The following GRM5 variants were observed in gnomAD, a reference collection of about 807,000 sequenced individuals.
GRM5 encodes glutamate metabotropic receptor 5, also known as metabotropic glutamate receptor 5.
Under a neutral mutation model 83.1 loss-of-function variants are expected in GRM5, and 19 were observed. The observed-to-expected ratio is 0.23, with a 90% confidence interval of 0.16 to 0.34. The LOEUF is 0.34. Ranked by LOEUF, GRM5 falls within the 10% of genes least tolerant of loss-of-function variation. The pLI, the probability that GRM5 is intolerant of heterozygous loss-of-function variation, is 1.00. For missense variants in GRM5, 1,160 were observed against 1,588.3 expected, an observed-to-expected ratio of 0.73 and a Z score of 4.58; for synonymous variants, 675 against 633.6, an observed-to-expected ratio of 1.07 and a Z score of -0.98.
intron 3 of GRM5, among the ~76,000 whole-genome samples, chr11:88,694,844 T>C (rs1366727659): frequency 6.6e-6 from 1 of 152,170 alleles, no homozygotes. Context: ...ATTATTTCTC[T>C]TGTATATGTA....
At chr11:88,970,603 A>T (rs1316692823) in intron 2 of GRM5, among the ~76,000 whole-genome samples, 2 of 152,220 alleles carry the variant, frequency 1.3e-5, no homozygotes, top group African/African-American at 4.8e-5. Flanking sequence ...CTACTACATT[A>T]GTCAAGCTTT....
intron 7 of GRM5, among the ~76,000 whole-genome samples, chr11:88,583,653 T>TAA (rs1306966357): frequency 1.3e-5 from 2 of 152,190 alleles, no homozygotes; most frequent in Non-Finnish European, 2.9e-5. Context: ...ACTGGGGACC[T>TAA]AAAGATCTTT....
At chr11:88,778,940 C>T (rs1371479069) in intron 3 of GRM5, among the ~76,000 whole-genome samples, 2 of 152,146 alleles carry the variant, frequency 1.3e-5, no homozygotes, top group African/African-American at 4.8e-5. Context: ...GCCTACTGCC[C>T]TTCTGGGTTA....
intron 5 of GRM5, among the ~76,000 whole-genome samples, chr11:88,600,562 TAAAC>T (rs1440089612): frequency 6.6e-6 from 1 of 151,964 alleles, no homozygotes; most frequent in Non-Finnish European, 1.5e-5. Flanking sequence ...AAAATCAAAA[TAAAC>T]AAAATATGTT....
intron 2 of GRM5, among the ~76,000 whole-genome samples, chr11:89,002,820 C>A (rs952880467): frequency 6.6e-6 from 1 of 152,034 alleles, no homozygotes; most frequent in Non-Finnish European, 1.5e-5. Context: ...GCTTCCCCCC[C>A]AGAGAGCCAC....
intron 2 of GRM5, among the ~76,000 whole-genome samples, chr11:88,982,600 C>T (rs114053727): frequency 0.023 from 3,499 of 152,156 alleles, 137 homozygotes; most frequent in African/African-American, 0.08. Context: ...TATATACATG[C>T]ACCTGTACAC....
chr11:88,681,271 A>C (rs1940478995), intron 3 of GRM5, among the ~76,000 whole-genome samples: 1 of 152,058 alleles, frequency 6.6e-6, no homozygotes, highest in Non-Finnish European at 1.5e-5. Flanking sequence ...ACTTGTATTA[A>C]TGGAGCACAT....
intron 4 of GRM5, among the ~76,000 whole-genome samples, chr11:88,610,602 T>G (rs948586437): frequency 8.5e-5 from 13 of 152,184 alleles, no homozygotes; most frequent in Admixed American, 5.9e-4. Context: ...TGTTTATCAG[T>G]TCTAGAAGCC....
chr11:89,009,416 G>A (rs1204055529), intron 2 of GRM5, among the ~76,000 whole-genome samples: 1 of 152,038 alleles, frequency 6.6e-6, no homozygotes, highest in Non-Finnish European at 1.5e-5. Context: ...GCAGACCATT[G>A]AGAAAATTAA....
At chr11:88,525,725 T>G (rs1250948097) in intron 8 of GRM5, among the ~76,000 whole-genome samples, 1 of 152,202 alleles carries the variant, frequency 6.6e-6, no homozygotes, top group African/African-American at 2.4e-5. Context: ...AAGATGAATA[T>G]CAATCAACAC....
intron 3 of GRM5, among the ~76,000 whole-genome samples, chr11:88,713,172 AC>A (rs1941318432): frequency 6.6e-6 from 1 of 152,028 alleles, no homozygotes; most frequent in Admixed American, 6.6e-5. Flanking sequence ...GTTTAAAAAA[AC>A]AAATATTTAT....
Position 88,649,115 on chromosome 11 carries a change from T to A in GRM5, c.1147+4053A>T, listed in dbSNP as rs921594501. On this transcript the variant is annotated intron_variant, in intron 4 of 9. Transcript: ENST00000305447. Reference sequence around the variant, plus strand: ...AAATATATAATATATATTAAATATATATGTAATATTTTTATATGTGTAATA... The same window carrying A: ...AAATATATAATATATATTAAATATAAATGTAATATTTTTATATGTGTAATA... 4.2e-5 allele frequency among the ~76,000 whole-genome samples: 6 copies of A among 143,746 alleles called. 1 individual carries two copies. The highest frequency in any genetic ancestry group is 1.5e-4 in the African/African-American group (6 of 39,462). 94.3% of individuals were successfully genotyped at this position (143,746 alleles called of 152,430 possible). A position where few individuals can be genotyped will look rare whatever the true frequency, so the allele number is the denominator to read the frequency against.
intron 8 of GRM5, among the ~76,000 whole-genome samples, chr11:88,532,004 T>C (rs776529083): frequency 1.3e-4 from 20 of 152,074 alleles, no homozygotes; most frequent in Non-Finnish European, 2.6e-4. Flanking sequence ...GAAACCACAG[T>C]ATACCTATTT....
chr11:88,746,416 C>A (rs7482486), intron 3 of GRM5, among the ~76,000 whole-genome samples: 33 of 152,238 alleles, frequency 2.2e-4, no homozygotes, highest in East Asian at 1.4e-3. Context: ...TTTGTTTAGC[C>A]TGATTCTAGC....
intron 3 of GRM5, among the ~76,000 whole-genome samples, chr11:88,734,808 TTAAG>T (rs888769830): frequency 6.6e-5 from 10 of 152,078 alleles, no homozygotes; most frequent in African/African-American, 1.9e-4. Context: ...TATGGATTTA[TTAAG>T]TGTTTGTTAT....
chr11:88,722,416 C>T (rs944947761), intron 3 of GRM5, among the ~76,000 whole-genome samples: 1 of 152,102 alleles, frequency 6.6e-6, no homozygotes, highest in Admixed American at 6.6e-5. Context: ...TTCAACACTT[C>T]TCCAAGTGTT....
At position 88,567,095 on chromosome 11, in the gene GRM5, A is replaced by G; in HGVS notation, c.2588T>C (p.Val863Ala). ...GGAGCCCCTTCTCTTCCACAGGTTGACTAGGCTGCTGGATCTGCTGGCTGC... is the reference window on the plus strand; with the variant it reads ...GGAGCCCCTTCTCTTCCACAGGTTGGCTAGGCTGCTGGATCTGCTGGCTGC... The part of the protein sequence containing the change: ...SSAASRSSSL[V>A]NLWKRRGSSG... Residue 863 changes from valine to alanine, a missense_variant, in exon 8 of 10, where the codon GTC becomes GCC. Physicochemically the swap from Val to Ala is moderately conservative, Grantham distance 64. Around this residue, in one of 9 missense-constraint regions of GRM5, gnomAD observed 562 missense variants for 532.4 expected, o/e 1.06. Transcript: ENST00000305447. This position sits in a 1 kb window ranked among gnomAD's most constrained non-coding sequence, Gnocchi z 7.3. The G allele has an allele frequency of 6.2e-7, 1 of 1,613,844 alleles. No homozygotes were observed. Among genetic ancestry groups the G allele is most frequent in the East Asian group, 2.2e-5 (1 of 44,862 alleles).
chr11:88,877,401 G>A (rs758198771), intron 2 of GRM5, among the ~76,000 whole-genome samples: 11 of 152,050 alleles, frequency 7.2e-5, no homozygotes, highest in African/African-American at 1.4e-4. Flanking sequence ...AAGCAAGGGC[G>A]ACTCATACAT....
At chr11:88,822,101 A>G (rs1191505863) in intron 3 of GRM5, among the ~76,000 whole-genome samples, 1 of 152,198 alleles carries the variant, frequency 6.6e-6, no homozygotes, top group Non-Finnish European at 1.5e-5. Context: ...CATATACCAC[A>G]TATTTTGTGA....
Sources: allele counts gnomAD v4.1 joint callset (sites outside exome capture counted in the v4.1 genomes callset), GRCh38; gene constraint gnomAD v4.1.1; regional missense constraint gnomAD v4.1.1; non-coding constraint Gnocchi (gnomAD v3.1); transcripts MANE v1.5; gene names NCBI Gene and HGNC (gene_info 2026-07-23, HGNC 2026-07-21).